Variants in GPHN observed in about 807,000 individuals in gnomAD.
GPHN encodes the protein gephyrin.
Under a neutral mutation model 95.5 loss-of-function variants are expected in GPHN, and 17 were observed. That is an observed-to-expected ratio of 0.18 (90% confidence interval 0.12 to 0.27). GPHN has a LOEUF of 0.27. Among genes scored for constraint, GPHN ranks in the 10% least tolerant of loss-of-function variants. The pLI is 1.00. For synonymous variants in GPHN, 320 were observed against 322.5 expected (o/e 0.99, Z 0.08); for missense variants, 660 against 978.1 (o/e 0.67, Z 4.34).
At chr14:67,476,192 T>G in the GPHN span, among the ~76,000 whole-genome samples, 1 of 152,242 alleles carries the variant, frequency 6.6e-6, no homozygotes, top group South Asian at 2.1e-4. Flanking sequence ...GCCTCACATT[T>G]CAGCTGAAGC....
chr14:67,112,505 A>G (rs1363473676), intron 15 of GPHN, among the ~76,000 whole-genome samples: 2 of 152,172 alleles, frequency 1.3e-5, no homozygotes, highest in African/African-American at 2.4e-5. Flanking sequence ...ACCAAGGTTA[A>G]TGTACCTCAG....
the GPHN span, among the ~76,000 whole-genome samples, chr14:67,211,877 T>C: frequency 6.6e-6 from 1 of 152,162 alleles, no homozygotes; most frequent in Admixed American, 6.5e-5. Flanking sequence ...TTATTATATA[T>C]TGATAAAAAA....
At chr14:67,144,250 A>AAAAAATATAT (rs1168342196) in intron 18 of GPHN, among the ~76,000 whole-genome samples, 2 of 57,772 alleles carry the variant, frequency 3.5e-5, no homozygotes, top group Non-Finnish European at 5.7e-5. Context: ...AAAAAAAAAA[A>AAAAAATATAT]ATATATATAT....
the GPHN span, among the ~76,000 whole-genome samples, chr14:67,703,758 C>T: frequency 6.6e-6 from 1 of 152,114 alleles, no homozygotes; most frequent in Non-Finnish European, 1.5e-5. Flanking sequence ...TCATTGCAAC[C>T]TCTCTCTCCT....
chr14:66,585,810 T>C (rs1221228426), intron 1 of GPHN, among the ~76,000 whole-genome samples: 2 of 152,216 alleles, frequency 1.3e-5, no homozygotes, highest in Admixed American at 6.5e-5. Context: ...TACTTCCAAC[T>C]ATGTGGTCAA....
chr14:67,102,033 G>T (rs544801128), intron 13 of GPHN, among the ~76,000 whole-genome samples: 1 of 151,710 alleles, frequency 6.6e-6, no homozygotes, highest in African/African-American at 2.4e-5. Context: ...CACCACGCCC[G>T]CCTAATTTTT....
intron 1 of GPHN, among the ~76,000 whole-genome samples, chr14:66,653,119 A>G (rs142874289): frequency 6.6e-5 from 10 of 152,130 alleles, no homozygotes; most frequent in African/African-American, 2.4e-4. Flanking sequence ...GTACTCGGCA[A>G]TGTTTTGCAG....
At chr14:66,632,605 G>C (rs2063874847) in intron 1 of GPHN, among the ~76,000 whole-genome samples, 1 of 148,404 alleles carries the variant, frequency 6.7e-6, no homozygotes, top group Non-Finnish European at 1.5e-5. Flanking sequence ...TGATTCTTCT[G>C]CCTCAGCCTC....
chr14:67,478,741 C>A, the GPHN span, among the ~76,000 whole-genome samples: 1 of 152,146 alleles, frequency 6.6e-6, no homozygotes. Flanking sequence ...CTTTAAGACC[C>A]AGCTCCTCCT....
At chr14:67,370,546 A>C in the GPHN span, among the ~76,000 whole-genome samples, 3 of 152,246 alleles carry the variant, frequency 2.0e-5, no homozygotes, top group African/African-American at 7.2e-5. Flanking sequence ...CAGATGCTAC[A>C]GACATTAAAA....
intron 5 of GPHN, among the ~76,000 whole-genome samples, chr14:66,905,335 T>A (rs2065328022): frequency 6.6e-6 from 1 of 152,138 alleles, no homozygotes. Flanking sequence ...CTTTTCTGTG[T>A]TACCTTGGAG....
chr14:67,215,694 G>A, the GPHN span, among the ~76,000 whole-genome samples: 51 of 152,138 alleles, frequency 3.4e-4, no homozygotes, highest in African/African-American at 1.1e-3. Flanking sequence ...TTAGAAAAGC[G>A]TAAGGTTTAT....
At chr14:67,628,133 C>T in the GPHN span, among the ~76,000 whole-genome samples, 2 of 152,208 alleles carry the variant, frequency 1.3e-5, no homozygotes, top group African/African-American at 4.8e-5. Context: ...TTAGGGCCCT[C>T]TCCAATCTCA....
intron 1 of GPHN, among the ~76,000 whole-genome samples, chr14:66,519,929 T>G (rs1176069294): frequency 6.6e-6 from 1 of 152,136 alleles, no homozygotes; most frequent in Non-Finnish European, 1.5e-5. Flanking sequence ...CTCAAGTTAG[T>G]GCAGTAAATG....
At chr14:67,699,085 T>C in the GPHN span, among the ~76,000 whole-genome samples, 5 of 151,288 alleles carry the variant, frequency 3.3e-5, no homozygotes, top group African/African-American at 1.2e-4. Flanking sequence ...ACCCCATCTC[T>C]ACTAAAAATA....
intron 21 of GPHN, among the ~76,000 whole-genome samples, chr14:67,171,981 G>T (rs917345505): frequency 6.6e-6 from 1 of 152,160 alleles, no homozygotes; most frequent in Non-Finnish European, 1.5e-5. Flanking sequence ...TGAAGGAACT[G>T]CCTGGAGTCC....
the GPHN span, among the ~76,000 whole-genome samples, chr14:67,344,264 C>T: frequency 6.6e-6 from 1 of 152,194 alleles, no homozygotes; most frequent in African/African-American, 2.4e-5. Context: ...CCCATAAAAG[C>T]CTTCCAACTT....
chr14:66,962,349 A>T (rs2069013015), intron 8 of GPHN, among the ~76,000 whole-genome samples: 1 of 145,396 alleles, frequency 6.9e-6, no homozygotes, highest in Non-Finnish European at 1.5e-5. Flanking sequence ...TTTTTTTTTT[A>T]AGATTGGGGC....
the GPHN span, among the ~76,000 whole-genome samples, chr14:67,599,450 T>C: frequency 6.6e-6 from 1 of 152,076 alleles, no homozygotes; most frequent in African/African-American, 2.4e-5. Flanking sequence ...TTCATAAACC[T>C]TTAGAAAGTA....
Sources: allele counts gnomAD v4.1 joint callset (sites outside exome capture counted in the v4.1 genomes callset), GRCh38; gene constraint gnomAD v4.1.1; transcripts MANE v1.5; gene names NCBI Gene and HGNC (gene_info 2026-07-23, HGNC 2026-07-21).